The following ABTB3 variants were observed in gnomAD, a reference collection of about 807,000 sequenced individuals.
ABTB3 encodes the protein ankyrin repeat and BTB domain containing 3.
the ABTB3 span, among the ~76,000 whole-genome samples, chr12:107,555,175 C>G: frequency 1.3e-5 from 2 of 152,160 alleles, no homozygotes; most frequent in African/African-American, 4.8e-5. Flanking sequence ...TAACATGGCT[C>G]AGGAATGGCA....
chr12:107,542,072 G>A, the ABTB3 span, among the ~76,000 whole-genome samples: 18 of 152,252 alleles, frequency 1.2e-4, no homozygotes, highest in East Asian at 3.3e-3. Flanking sequence ...TACTTTGGGA[G>A]GCCAAGGCGG....
the ABTB3 span, chr12:107,610,163 C>T: frequency 1.2e-6 from 2 of 1,613,864 alleles, no homozygotes; most frequent in Non-Finnish European, 1.7e-6. Context: ...GCCGCTGTAC[C>T]CGCATGATGT....
chr12:107,363,388 T>C, the ABTB3 span, among the ~76,000 whole-genome samples: 1 of 152,242 alleles, frequency 6.6e-6, no homozygotes, highest in African/African-American at 2.4e-5. Flanking sequence ...AGGATTGCAG[T>C]GCCTCATTAA....
chr12:107,636,599 C>A, the ABTB3 span, among the ~76,000 whole-genome samples: 1 of 152,172 alleles, frequency 6.6e-6, no homozygotes, highest in Non-Finnish European at 1.5e-5. Flanking sequence ...AAATGAGACA[C>A]AACTTTTTGC....
the ABTB3 span, among the ~76,000 whole-genome samples, chr12:107,433,146 C>T: frequency 3.3e-5 from 5 of 151,194 alleles, no homozygotes; most frequent in Non-Finnish European, 7.4e-5. Flanking sequence ...AAAAATTAGC[C>T]GGGCGCGGTG....
At chr12:107,472,759 A>G in the ABTB3 span, among the ~76,000 whole-genome samples, 2 of 152,222 alleles carry the variant, frequency 1.3e-5, no homozygotes, top group Admixed American at 1.3e-4. Flanking sequence ...TGGTGGAAAG[A>G]TGAATGGTCA....
At chr12:107,474,167 T>G in the ABTB3 span, among the ~76,000 whole-genome samples, 2 of 152,146 alleles carry the variant, frequency 1.3e-5, no homozygotes, top group African/African-American at 4.8e-5. Context: ...CGCCCAGTCC[T>G]GGGGTCTGTA....
the ABTB3 span, among the ~76,000 whole-genome samples, chr12:107,382,142 A>T: frequency 6.6e-6 from 1 of 152,184 alleles, no homozygotes; most frequent in Non-Finnish European, 1.5e-5. Context: ...TAGAGTGGGG[A>T]TGTATAAAGG....
At chr12:107,646,506 C>T in the ABTB3 span, among the ~76,000 whole-genome samples, 1 of 152,212 alleles carries the variant, frequency 6.6e-6, no homozygotes, top group African/African-American at 2.4e-5. Context: ...CCAATCCCAA[C>T]ATTTGCTGAC....
the ABTB3 span, among the ~76,000 whole-genome samples, chr12:107,472,864 T>C: frequency 6.6e-6 from 1 of 152,150 alleles, no homozygotes; most frequent in East Asian, 1.9e-4. Flanking sequence ...GGATGTTCAG[T>C]GGGATCATTA....
chr12:107,587,944 G>A, the ABTB3 span, among the ~76,000 whole-genome samples: 1 of 152,230 alleles, frequency 6.6e-6, no homozygotes, highest in South Asian at 2.1e-4. Context: ...CTTTCTAGAG[G>A]CTAAAAATCC....
At chr12:107,535,675 C>CA in the ABTB3 span, among the ~76,000 whole-genome samples, 3 of 151,868 alleles carry the variant, frequency 2.0e-5, no homozygotes, top group Non-Finnish European at 4.4e-5. Context: ...ACAATAGCTA[C>CA]AAAAAAATTG....
chr12:107,614,644 T>A, the ABTB3 span, among the ~76,000 whole-genome samples: 1 of 152,164 alleles, frequency 6.6e-6, no homozygotes. Context: ...GTAACTGCCA[T>A]TACAGCTTCT....
chr12:107,324,561 A>T, the ABTB3 span, among the ~76,000 whole-genome samples: 5 of 152,194 alleles, frequency 3.3e-5, no homozygotes, highest in African/African-American at 7.2e-5. Flanking sequence ...TTTAGTGAAG[A>T]GGCACCAGGA....
chr12:107,393,166 C>G, the ABTB3 span, among the ~76,000 whole-genome samples: 33 of 152,298 alleles, frequency 2.2e-4, no homozygotes, highest in Non-Finnish European at 3.7e-4. Flanking sequence ...GGTGATCAGT[C>G]AGGGACGAGA....
At chr12:107,416,358 T>C in the ABTB3 span, among the ~76,000 whole-genome samples, 1 of 152,184 alleles carries the variant, frequency 6.6e-6, no homozygotes, top group Non-Finnish European at 1.5e-5. Flanking sequence ...TAGCAGTTTC[T>C]GGAAATCCAG....
At chr12:107,612,528 G>A in the ABTB3 span, among the ~76,000 whole-genome samples, 139 of 152,284 alleles carry the variant, frequency 9.1e-4, no homozygotes, top group African/African-American at 3.3e-3. Flanking sequence ...ACAGACAAAC[G>A]AACGAAAATC....
the ABTB3 span, among the ~76,000 whole-genome samples, chr12:107,464,259 G>A: frequency 8.9e-5 from 10 of 112,496 alleles, no homozygotes; most frequent in African/African-American, 3.3e-4. Context: ...GTGTGTGTGT[G>A]TATTTATGCA....
At chr12:107,396,457 G>A in the ABTB3 span, among the ~76,000 whole-genome samples, 2 of 152,158 alleles carry the variant, frequency 1.3e-5, no homozygotes, top group African/African-American at 2.4e-5. Context: ...GACTGAATGA[G>A]GCAATGCATT....
Sources: gnomAD v4.1 joint callset for allele counts (sites outside exome capture counted in the v4.1 genomes callset) on GRCh38, gnomAD v4.1.1 for gene constraint, MANE v1.5 for transcripts, NCBI Gene and HGNC (gene_info 2026-07-23, HGNC 2026-07-21) for gene names.